The following KCNK10 variants were observed in gnomAD, a reference collection of about 807,000 sequenced individuals.
KCNK10 encodes the protein potassium two pore domain channel subfamily K member 10, also known as potassium channel subfamily K member 10.
Under a neutral mutation model 47.7 loss-of-function variants are expected in KCNK10, and 25 were observed. The observed-to-expected ratio is 0.52, with a 90% CI of 0.38 to 0.73. KCNK10 has a LOEUF of 0.73. Ranked by LOEUF, KCNK10 falls within the 30% of genes least tolerant of loss-of-function variation. The pLI, the probability that KCNK10 is intolerant of heterozygous loss-of-function variation, is 0.00. For missense variants in KCNK10, 563 were observed against 714.5 expected (o/e 0.79, Z 2.42); for synonymous variants, 303 against 285.6 (o/e 1.06, Z -0.61).
At chr14:88,282,325 T>C (rs1028952323) in intron 1 of KCNK10, among the ~76,000 whole-genome samples, 1 of 152,182 alleles carries the variant, frequency 6.6e-6, no homozygotes, top group Non-Finnish European at 1.5e-5. Flanking sequence ...TATCAAGACA[T>C]CCTGCCACCT....
chr14:88,269,612 T>C (rs536336736), intron 1 of KCNK10, among the ~76,000 whole-genome samples: 1 of 152,184 alleles, frequency 6.6e-6, no homozygotes, highest in Non-Finnish European at 1.5e-5. Context: ...AATTTTTTAA[T>C]ATTTTGTAGC....
At chr14:88,198,026 A>G (rs1025801437) in intron 4 of KCNK10, among the ~76,000 whole-genome samples, 4 of 152,238 alleles carry the variant, frequency 2.6e-5, no homozygotes, top group Non-Finnish European at 5.9e-5. Flanking sequence ...TTGAAGGCAA[A>G]GCTTAGTACC....
rs758236953 is a variant in KCNK10 at position 88,263,235 on chromosome 14, A to G, written c.369T>C (p.Cys123=). 1.9e-6 allele frequency: 3 copies of G among 1,614,140 alleles called. No individual in the cohort carries two copies. Among genetic ancestry groups the G allele is most frequent in the East Asian group, 2.2e-5 (1 of 44,880 alleles). Residue 123 remains cysteine, a synonymous_variant, in exon 2 of 7, where the codon TGT becomes TGC. Transcript: ENST00000319231. ...ACGTCTCCAGCTCCTGGGGGCTCAC[A>G]CAGACATGATCCCGCAGGAATTCCG... ...EKAEFLRDHV[C]VSPQELETLI...
intron 1 of KCNK10, among the ~76,000 whole-genome samples, chr14:88,298,248 T>C (rs946628356): frequency 1.3e-5 from 2 of 152,218 alleles, no homozygotes; most frequent in African/African-American, 4.8e-5. Flanking sequence ...TCGTCCACGT[T>C]CAGTGCAACC....
chr14:88,221,770 T>C (rs1332008852), intron 4 of KCNK10, among the ~76,000 whole-genome samples: 1 of 152,226 alleles, frequency 6.6e-6, no homozygotes, highest in South Asian at 2.1e-4. Flanking sequence ...ATCAGCTTTA[T>C]TCGTAATTAC....
intron 3 of KCNK10, among the ~76,000 whole-genome samples, chr14:88,228,560 T>C (rs2139873995): frequency 6.6e-6 from 1 of 152,302 alleles, no homozygotes; most frequent in South Asian, 2.1e-4. Flanking sequence ...CAAATCTGGG[T>C]AAATCATGTG....
At chr14:88,310,066 G>A (rs1595132858) in intron 1 of KCNK10, among the ~76,000 whole-genome samples, 1 of 144,370 alleles carries the variant, frequency 6.9e-6, no homozygotes, top group South Asian at 2.3e-4. Flanking sequence ...GTACCCACGG[G>A]TAATTGGAAA....
intron 4 of KCNK10, 51 bp downstream of exon 4, chr14:88,227,324 A>G: frequency 6.8e-7 from 1 of 1,470,336 alleles, no homozygotes; most frequent in Non-Finnish European, 9.2e-7. Flanking sequence ...CTGTCAGGCT[A>G]AAGCCAACTG....
At chr14:88,321,941 C>A (rs941067093) in intron 1 of KCNK10, among the ~76,000 whole-genome samples, 8 of 152,210 alleles carry the variant, frequency 5.3e-5, no homozygotes, top group African/African-American at 1.7e-4. Flanking sequence ...TCCCTTGGAG[C>A]CTTAACATCT....
chr14:88,324,382 A>G (rs1472174485), upstream of KCNK10, among the ~76,000 whole-genome samples: 2 of 152,252 alleles, frequency 1.3e-5, no homozygotes, highest in African/African-American at 4.8e-5. Flanking sequence ...ATGCCTCGCA[A>G]CGGAGCCTTA....
At chr14:88,196,064 G>A (rs904362426) in intron 4 of KCNK10, among the ~76,000 whole-genome samples, 7 of 152,192 alleles carry the variant, frequency 4.6e-5, no homozygotes, top group Non-Finnish European at 8.8e-5. Context: ...TAGGATGGTC[G>A]TTGTACTTCT....
chr14:88,294,013 A>G (rs1224869045), intron 1 of KCNK10, among the ~76,000 whole-genome samples: 1 of 152,000 alleles, frequency 6.6e-6, no homozygotes, highest in African/African-American at 2.4e-5. Context: ...TCTCTACATC[A>G]TTCTCTCAGC....
At chr14:88,288,395 C>G (rs1289744156) in intron 1 of KCNK10, among the ~76,000 whole-genome samples, 1 of 152,150 alleles carries the variant, frequency 6.6e-6, no homozygotes, top group African/African-American at 2.4e-5. Context: ...AGGGCTTGGA[C>G]AGAAAATCCA....
chr14:88,252,745 T>A lies in KCNK10; in HGVS notation c.402+10457A>T, dbSNP rs575097499. 5.3e-5 allele frequency among the ~76,000 whole-genome samples: 8 copies of A among 151,948 alleles called. No individual in the cohort carries two copies. The East Asian group carries it at 1.5e-3, about 29-fold the overall frequency. Reference sequence around the variant, plus strand: ...CAATGCGCACAGCCAATAAAATGAGTCAGTAAGCCAGAGGCCAACAATCTG... The same window carrying A: ...CAATGCGCACAGCCAATAAAATGAGACAGTAAGCCAGAGGCCAACAATCTG... On this transcript the variant is annotated intron_variant, in intron 2 of 6. Coordinates refer to ENST00000319231, the MANE Select transcript of KCNK10 (RefSeq NM_138317.3).
intron 2 of KCNK10, among the ~76,000 whole-genome samples, chr14:88,243,809 A>T (rs530847921): frequency 6.6e-6 from 1 of 151,748 alleles, no homozygotes; most frequent in South Asian, 2.1e-4. Context: ...ACAGGTGGGA[A>T]ATTCAGGCTC....
chr14:88,234,681 T>C (rs1886248033), intron 3 of KCNK10, among the ~76,000 whole-genome samples: 1 of 152,238 alleles, frequency 6.6e-6, no homozygotes, highest in South Asian at 2.1e-4. Flanking sequence ...AGCCTCTCAA[T>C]GCCTGTCCCT....
At chr14:88,247,946 G>A (rs1197535461) in intron 2 of KCNK10, among the ~76,000 whole-genome samples, 1 of 152,106 alleles carries the variant, frequency 6.6e-6, no homozygotes, top group African/African-American at 2.4e-5. Flanking sequence ...TAAACCACGA[G>A]GAAAGTATCA....
chr14:88,258,590 C>T (rs12893722), intron 2 of KCNK10, among the ~76,000 whole-genome samples: 61,049 of 151,980 alleles, frequency 0.4, 13,803 homozygotes, highest in Non-Finnish European at 0.51. Flanking sequence ...AACCCGGCCG[C>T]GTCTTCTTCT....
chr14:88,300,901 CT>C (rs1326161734), intron 1 of KCNK10, among the ~76,000 whole-genome samples: 3 of 152,170 alleles, frequency 2.0e-5, no homozygotes, highest in South Asian at 2.1e-4. Context: ...ATTAGGCTTC[CT>C]TTTCTCAATC....
Sources: gnomAD v4.1 joint callset for allele counts (sites outside exome capture counted in the v4.1 genomes callset) on GRCh38, gnomAD v4.1.1 for gene constraint, MANE v1.5 for transcripts, NCBI Gene and HGNC (gene_info 2026-07-23, HGNC 2026-07-21) for gene names.